BRAF: variants seen among roughly 807,000 people sequenced by gnomAD.
The protein encoded by BRAF is serine/threonine-protein kinase B-raf.
Under a neutral mutation model 104.6 loss-of-function variants are expected in BRAF, and 16 were observed. The ratio of observed to expected loss-of-function variants is 0.15; its 90% CI spans 0.10 to 0.23. The LOEUF (loss-of-function observed/expected upper bound fraction) is 0.23, where lower values mean the gene tolerates loss of function less well. Ranked by LOEUF, BRAF falls within the 10% of genes least tolerant of loss-of-function variation. BRAF has a pLI of 1.00. For synonymous variants in BRAF, 310 were observed against 341.6 expected (o/e 0.91, Z 1.02); for missense variants, 541 against 937.3 (o/e 0.58, Z 5.52).
intron 1 of BRAF, among the ~76,000 whole-genome samples, chr7:140,866,465 C>CAA (rs1810975782): frequency 6.6e-6 from 1 of 152,106 alleles, no homozygotes; most frequent in African/African-American, 2.4e-5. Context: ...TGGAACTTAC[C>CAA]CCACTTGATC....
In BRAF at chr7:140,800,356, C is replaced by T. The variant is rs781034379; in HGVS notation, c.980+6G>A. 6.2e-7 allele frequency: 1 copy of T among 1,614,060 alleles called. No homozygotes were observed. Among genetic ancestry groups the T allele is most frequent in the South Asian group, 1.1e-5 (1 of 91,076 alleles). ...ATGTCGCCCAAGAGCAGAAGTCAAA[C>T]CATACCCAATAGAGTCCGAGGCGGG... is the stretch of plus-strand genomic sequence containing the variant. On this transcript the variant is annotated splice_donor_region_variant and intron_variant, in intron 7 of 19. Coordinates refer to ENST00000644969, the MANE Select transcript of BRAF (RefSeq NM_001374258.1).
At chr7:140,762,249 T>G (rs901805205) in intron 14 of BRAF, among the ~76,000 whole-genome samples, 3 of 152,076 alleles carry the variant, frequency 2.0e-5, no homozygotes, top group African/African-American at 7.3e-5. Flanking sequence ...TCAAAACCAC[T>G]CAACTACATG....
At chr7:140,905,530 G>A (rs1816204684) in intron 1 of BRAF, among the ~76,000 whole-genome samples, 1 of 152,146 alleles carries the variant, frequency 6.6e-6, no homozygotes, top group Non-Finnish European at 1.5e-5. Flanking sequence ...TTTCAGATAT[G>A]TTCCTTATAA....
In BRAF at chr7:140,739,857, T is replaced by C. The variant is rs375174370; in HGVS notation, c.2202A>G (p.Ala734=). ...CATCTCTTTTCTTTTTGAGGCACTCTGCCATTAATCTCTTCATGGCTTTTG... is the reference window on the plus strand; with the variant it reads ...CATCTCTTTTCTTTTTGAGGCACTCCGCCATTAATCTCTTCATGGCTTTTG... The part of the protein sequence containing the change: ...NCPKAMKRLM[A]ECLKKKRDER... Residue 734 remains alanine (A), a synonymous_variant, in exon 18 of 20, where the codon GCA becomes GCG. Coordinates refer to ENST00000644969, the MANE Select transcript of BRAF (RefSeq NM_001374258.1). The C allele has an allele frequency of 4.3e-6, 7 of 1,613,036 alleles. No homozygotes were observed. Among genetic ancestry groups the C allele is most frequent in the Non-Finnish European group, 5.9e-6 (7 of 1,179,922 alleles).
chr7:140,922,385 G>T (rs1818322142), intron 1 of BRAF, among the ~76,000 whole-genome samples: 1 of 149,736 alleles, frequency 6.7e-6, no homozygotes, highest in African/African-American at 2.4e-5. Context: ...AGACTCTTCA[G>T]GGGGTACAGT....
intron 17 of BRAF, among the ~76,000 whole-genome samples, chr7:140,746,165 A>T (rs995439937): frequency 6.6e-6 from 1 of 152,238 alleles, no homozygotes; most frequent in Non-Finnish European, 1.5e-5. Flanking sequence ...AGCAATTATA[A>T]CTGGAATAAT....
At chr7:140,734,362 G>A in intron 19 of BRAF, 1 of 1,362,558 alleles carries the variant, frequency 7.3e-7, no homozygotes, top group Non-Finnish European at 9.5e-7. Context: ...TCTAGAAGAG[G>A]CTCTGCCAAT....
intron 1 of BRAF, among the ~76,000 whole-genome samples, chr7:140,884,417 T>C (rs928820667): frequency 6.9e-6 from 1 of 145,442 alleles, no homozygotes; most frequent in African/African-American, 2.6e-5. Flanking sequence ...ATCTCTTATA[T>C]ATATATAAGA....
intron 5 of BRAF, among the ~76,000 whole-genome samples, chr7:140,804,184 A>G (rs973191281): frequency 1.3e-5 from 2 of 151,348 alleles, no homozygotes; most frequent in Non-Finnish European, 2.9e-5. Flanking sequence ...CTCGGCCTCT[A>G]TATTCTTAAT....
intron 1 of BRAF, among the ~76,000 whole-genome samples, chr7:140,859,659 C>T (rs1810187209): frequency 1.3e-5 from 2 of 151,426 alleles, no homozygotes; most frequent in Admixed American, 6.6e-5. Context: ...ATTTTTCCCC[C>T]ATGGAACTTG....
chr7:140,720,933 A>C lies in BRAF; in HGVS notation c.*5561T>G, dbSNP rs1342427203. On this transcript the variant is annotated 3_prime_UTR_variant, in exon 20 of 20. Coordinates refer to ENST00000644969, the MANE Select transcript of BRAF (RefSeq NM_001374258.1). ...GCCAACTCTCCCGCATATGTGCTGTACATGAGAACCAGCGGTCACGGTGCT... is the reference window on the plus strand; with the variant it reads ...GCCAACTCTCCCGCATATGTGCTGTCCATGAGAACCAGCGGTCACGGTGCT... The C allele has an allele frequency of 6.6e-6, 7 of 1,065,678 alleles. No homozygotes were observed. The highest frequency in any genetic ancestry group is 8.0e-6 in the Non-Finnish European group (7 of 879,572). The allele number at this position is 1,065,678 out of a possible 1,614,324, so 66.0% of individuals were successfully genotyped here. A position where few individuals can be genotyped will look rare whatever the true frequency, so the allele number is the denominator to read the frequency against.
chr7:140,752,418 T>C (rs1797864918), intron 16 of BRAF, among the ~76,000 whole-genome samples: 1 of 152,172 alleles, frequency 6.6e-6, no homozygotes, highest in South Asian at 2.1e-4. Flanking sequence ...ATGTGTTGTT[T>C]TGGTTGAAGG....
chr7:140,861,769 A>G (rs893977847), intron 1 of BRAF, among the ~76,000 whole-genome samples: 2 of 152,196 alleles, frequency 1.3e-5, no homozygotes, highest in Non-Finnish European at 2.9e-5. Flanking sequence ...TGAAGCATAT[A>G]TAAGACAATT....
At position 140,787,627 on chromosome 7, in the gene BRAF, T is replaced by C. The variant is rs375064829; in HGVS notation, c.1141-43A>G. 16 of 1,551,068 alleles carry C rather than the reference T, an allele frequency of 1.0e-5. 1 individual carries two copies. The highest frequency in any genetic ancestry group is 8.0e-6 in the Non-Finnish European group (9 of 1,124,258). On this transcript the variant is annotated intron_variant, in intron 8 of 19. Coordinates refer to ENST00000644969, the MANE Select transcript of BRAF (RefSeq NM_001374258.1). ...TGTATATTTATTCCAAGCAAGCATA[T>C]AATCAGAGAGTAGCGATAACACTGA...
chr7:140,722,805 G>T lies in BRAF; in HGVS notation c.*3689C>A. Reference sequence around the variant, plus strand: ...TCACTGTTAGTGAAGTGATACCACAGCTATTTAATTTCATGCAATTGACTC... The same window carrying T: ...TCACTGTTAGTGAAGTGATACCACATCTATTTAATTTCATGCAATTGACTC... On this transcript the variant is annotated 3_prime_UTR_variant, in exon 20 of 20. Coordinates refer to ENST00000644969, the MANE Select transcript of BRAF (RefSeq NM_001374258.1). 1 of 1,052,614 alleles carries T rather than the reference G, an allele frequency of 9.5e-7. No individual in the cohort carries two copies. The highest frequency in any genetic ancestry group is 1.1e-6 in the Non-Finnish European group (1 of 871,272). The allele number at this position is 1,052,614 out of a possible 1,614,324, so 65.2% of individuals were successfully genotyped here. A position where few individuals can be genotyped will look rare whatever the true frequency, so the allele number is the denominator to read the frequency against.
At chr7:140,898,647 A>T (rs1453539435) in intron 1 of BRAF, among the ~76,000 whole-genome samples, 1 of 152,216 alleles carries the variant, frequency 6.6e-6, no homozygotes, top group Non-Finnish European at 1.5e-5. Flanking sequence ...CAAGGTAAGA[A>T]ATAGCATTGC....
chr7:140,808,367 A>G, intron 4 of BRAF: 1 of 467,740 alleles, frequency 2.1e-6, no homozygotes. Flanking sequence ...AAAAAAAAAA[A>G]AAAAAAAAAA....
At chr7:140,885,041 G>A (rs984475443) in intron 1 of BRAF, among the ~76,000 whole-genome samples, 6 of 151,480 alleles carry the variant, frequency 4.0e-5, no homozygotes, top group East Asian at 3.9e-4. Flanking sequence ...TGCTCTTGTC[G>A]CCCAGGCTGG....
intron 1 of BRAF, 44 bp from the exon 2 acceptor site, chr7:140,850,256 T>C (rs368438552): frequency 1.2e-5 from 17 of 1,418,086 alleles, no homozygotes; most frequent in South Asian, 1.1e-4. Context: ...TCACTTAGTA[T>C]ATGAATTAGA....
Sources: allele counts gnomAD v4.1 joint callset (sites outside exome capture counted in the v4.1 genomes callset), GRCh38; gene constraint gnomAD v4.1.1; transcripts MANE v1.5; gene names NCBI Gene and HGNC (gene_info 2026-07-23, HGNC 2026-07-21).